Variants in USH2A observed in about 807,000 individuals in gnomAD.
USH2A encodes the protein usherin.
Under a neutral mutation model 538.9 loss-of-function variants are expected in USH2A, and 443 were observed. That is an observed-to-expected ratio of 0.82 (90% CI 0.76 to 0.89). The LOEUF is 0.89. Ranked by LOEUF, USH2A falls within the 40% of genes least tolerant of loss-of-function variation. The probability of loss-of-function intolerance (pLI) is 0.00; values close to 1 mark genes in which losing one functional copy is unlikely to be tolerated. For synonymous variants in USH2A, 2,413 were observed against 2,273.5 expected (o/e 1.06, Z -1.75); for missense variants, 6,633 against 6,324.8 (o/e 1.05, Z -1.65).
intron 44 of USH2A, among the ~76,000 whole-genome samples, chr1:215,857,892 G>A (rs1255633925): frequency 1.3e-5 from 2 of 152,096 alleles, no homozygotes; most frequent in African/African-American, 2.4e-5. Flanking sequence ...CCAGGGAGGG[G>A]TGTCTGACTT....
At chr1:216,235,538 C>T (rs2035792735) in intron 13 of USH2A, among the ~76,000 whole-genome samples, 1 of 152,142 alleles carries the variant, frequency 6.6e-6, no homozygotes, top group African/African-American at 2.4e-5. Flanking sequence ...CAAAGAGTCA[C>T]CCATATTGTA....
At chr1:216,308,196 G>A (rs2037352786) in intron 9 of USH2A, among the ~76,000 whole-genome samples, 1 of 152,194 alleles carries the variant, frequency 6.6e-6, no homozygotes, top group Non-Finnish European at 1.5e-5. Context: ...TCTGTAGTAT[G>A]ATTGTTTGAG....
At chr1:216,158,271 T>A (rs1303341558) in intron 21 of USH2A, among the ~76,000 whole-genome samples, 2 of 152,154 alleles carry the variant, frequency 1.3e-5, no homozygotes, top group Admixed American at 1.3e-4. Flanking sequence ...GATCTTGCTC[T>A]GTCACCCAGG....
chr1:216,422,505 C>T lies in USH2A; in HGVS notation c.-169G>A. ...AGAGTAAGGTAATACCAACGACGTT[C>T]TTAGCAATGGCGAAGACATGAGTAG... On this transcript the variant is annotated 5_prime_UTR_variant, in exon 2 of 72. Transcript: ENST00000307340. The T allele has an allele frequency of 2.2e-6, 2 of 927,948 alleles. No homozygotes were observed. The highest frequency in any genetic ancestry group is 3.3e-5 in the South Asian group (2 of 60,808). 57.5% of individuals were successfully genotyped at this position (927,948 alleles called of 1,614,324 possible).
At chr1:216,273,904 A>G (rs149887605) in intron 11 of USH2A, among the ~76,000 whole-genome samples, 1 of 152,100 alleles carries the variant, frequency 6.6e-6, no homozygotes, top group African/African-American at 2.4e-5. Flanking sequence ...ATACCAAAAA[A>G]TTTTGAATAT....
chr1:215,860,957 GGGCTCTGC>G (rs1174672459), intron 44 of USH2A, among the ~76,000 whole-genome samples: 5 of 152,328 alleles, frequency 3.3e-5, no homozygotes, highest in African/African-American at 9.6e-5. Context: ...CTATGGTGCA[GGGCTCTGC>G]GTCACCAACT....
At chr1:216,006,210 T>C (rs1668387021) in intron 32 of USH2A, among the ~76,000 whole-genome samples, 1 of 152,178 alleles carries the variant, frequency 6.6e-6, no homozygotes, top group African/African-American at 2.4e-5. Context: ...TACTTCATAA[T>C]CTTCAGAATG....
intron 4 of USH2A, among the ~76,000 whole-genome samples, chr1:216,357,429 G>C (rs889740658): frequency 6.6e-6 from 1 of 152,034 alleles, no homozygotes; most frequent in Non-Finnish European, 1.5e-5. Context: ...GTATCTAGCA[G>C]AGGTTAGAAA....
rs74599207 is a variant in USH2A, at chr1:216,229,815, G to T, written c.2993+2138C>A. Among the ~76,000 whole-genome samples, 901 of 152,078 alleles carry T rather than the reference G, an allele frequency of 5.9e-3. 7 individuals carry two copies. Among genetic ancestry groups the T allele is most frequent in the African/African-American group, 0.021 (855 of 41,364 alleles). ...TACTTATTAAGCAATTCTTGTTCCT[G>T]GACTAAAGTAAGGTGGGGAGTGAGA... On this transcript the variant is annotated intron_variant, in intron 14 of 71. Transcript: ENST00000307340.
chr1:216,055,317 G>A (rs1006017306), intron 30 of USH2A, among the ~76,000 whole-genome samples: 6 of 152,174 alleles, frequency 3.9e-5, no homozygotes, highest in Admixed American at 2.0e-4. Flanking sequence ...CATCTGGTAA[G>A]GGATGCCACA....
chr1:216,281,527 T>G (rs2036775594), intron 11 of USH2A, among the ~76,000 whole-genome samples: 1 of 152,192 alleles, frequency 6.6e-6, no homozygotes, highest in African/African-American at 2.4e-5. Context: ...TTCTGAGACT[T>G]GAGCACATTT....
intron 61 of USH2A, among the ~76,000 whole-genome samples, chr1:215,708,587 A>T (rs1659247703): frequency 6.6e-6 from 1 of 152,216 alleles, no homozygotes; most frequent in East Asian, 1.9e-4. Flanking sequence ...ACCTCAGATC[A>T]TCAGGTATTA....
At chr1:216,409,877 A>G (rs1451668400) in intron 3 of USH2A, among the ~76,000 whole-genome samples, 1 of 152,176 alleles carries the variant, frequency 6.6e-6, no homozygotes, top group East Asian at 1.9e-4. Context: ...ATCAAATTAA[A>G]TTAAAGAGCT....
intron 60 of USH2A, among the ~76,000 whole-genome samples, 186 bp from the exon 61 acceptor site, chr1:215,728,570 TAA>T (rs1218282893): frequency 9.6e-6 from 1 of 104,534 alleles, no homozygotes; most frequent in Non-Finnish European, 2.0e-5. Flanking sequence ...ATATCATTTT[TAA>T]AGTGTAGTTG....
chr1:216,027,795 C>T (rs1347627), intron 32 of USH2A, among the ~76,000 whole-genome samples: 133,011 of 152,212 alleles, frequency 0.87, 58,404 homozygotes, highest in African/African-American at 0.97. Flanking sequence ...CATGTTGTCT[C>T]CAAGAATACA....
chr1:215,985,632 T>C (rs1667853688), intron 35 of USH2A, among the ~76,000 whole-genome samples: 1 of 152,302 alleles, frequency 6.6e-6, no homozygotes, highest in African/African-American at 2.4e-5. Flanking sequence ...CTAATGTTAT[T>C]ATTGTTAACA....
intron 60 of USH2A, among the ~76,000 whole-genome samples, chr1:215,729,520 C>T (rs1009506184): frequency 1.3e-5 from 2 of 152,194 alleles, no homozygotes; most frequent in Non-Finnish European, 2.9e-5. Flanking sequence ...AAGATGAACA[C>T]ACCCCTTACC....
In USH2A at chr1:215,685,342, T is replaced by TG. The variant is rs1381604223; in HGVS notation, c.12067-4967_12067-4966insC. Among the ~76,000 whole-genome samples the TG allele has an allele frequency of 3.6e-3, 368 of 103,330 alleles. 2 individuals carry two copies. The highest frequency in any genetic ancestry group is 0.011 in the Middle Eastern group (2 of 186). The allele number at this position is 103,330 out of a possible 152,430, so 67.8% of individuals were successfully genotyped here. On this transcript the variant is annotated intron_variant, in intron 61 of 71. Transcript: ENST00000307340. ...GCAAAATTCAAATCAGTTTTTTTTT[T>TG]TTGTTGTTGTTGTTTTTTTTTTTGA... is the stretch of plus-strand genomic sequence containing the variant.
At chr1:216,375,865 AT>A (rs1466884546) in intron 3 of USH2A, among the ~76,000 whole-genome samples, 1 of 152,090 alleles carries the variant, frequency 6.6e-6, no homozygotes, top group African/African-American at 2.4e-5. Flanking sequence ...ACTCGGTCTA[AT>A]TTAATTTCAA....
Sources: gnomAD v4.1 joint callset for allele counts (sites outside exome capture counted in the v4.1 genomes callset) on GRCh38, gnomAD v4.1.1 for gene constraint, MANE v1.5 for transcripts, NCBI Gene and HGNC (gene_info 2026-07-23, HGNC 2026-07-21) for gene names.